PTPRM: variants seen among roughly 807,000 people sequenced by gnomAD.
PTPRM encodes receptor-type tyrosine-protein phosphatase mu.
Under a neutral mutation model 186.7 loss-of-function variants are expected in PTPRM, and 47 were observed. The observed-to-expected ratio is 0.25, with a 90% confidence interval of 0.20 to 0.32. The LOEUF is 0.32. Ranked by LOEUF, PTPRM falls within the 10% of genes least tolerant of loss-of-function variation. The pLI, the probability that PTPRM is intolerant of heterozygous loss-of-function variation, is 1.00. For missense variants in PTPRM, 1,494 were observed against 1,865.0 expected, an observed-to-expected ratio of 0.80 and a Z score of 3.66; for synonymous variants, 668 against 674.9, an observed-to-expected ratio of 0.99 and a Z score of 0.16.
intron 14 of PTPRM, among the ~76,000 whole-genome samples, chr18:8,146,399 G>A (rs2092886975): frequency 6.6e-6 from 1 of 151,964 alleles, no homozygotes; most frequent in Non-Finnish European, 1.5e-5. Context: ...TTTCTCTAAC[G>A]ACCGGTGATG....
rs775081788 is a variant in PTPRM at position 8,253,212 on chromosome 18, G to A, written c.2567-15G>A. The A allele has an allele frequency of 2.9e-6, 4 of 1,397,950 alleles. No homozygotes were observed. The highest frequency in any genetic ancestry group is 2.8e-5 in the East Asian group (1 of 35,164). The allele number at this position is 1,397,950 out of a possible 1,614,324, so 86.6% of individuals were successfully genotyped here. A position where few individuals can be genotyped will look rare whatever the true frequency, so the allele number is the denominator to read the frequency against. The stretch of plus-strand genomic sequence containing the variant: ...CTGGCTCTCCCTCATTTTCTCCCTG[G>A]CCTTCTTTTCCTAGATGAAACCCAC... On this transcript the variant is annotated splice_polypyrimidine_tract_variant and intron_variant, in intron 18 of 32. Coordinates refer to ENST00000580170, the MANE Select transcript of PTPRM (RefSeq NM_001105244.2).
intron 14 of PTPRM, among the ~76,000 whole-genome samples, chr18:8,191,942 C>T (rs1415730790): frequency 6.6e-6 from 1 of 152,056 alleles, no homozygotes; most frequent in Admixed American, 6.6e-5. Context: ...AACTTCTGAA[C>T]ACATATCATT....
In PTPRM at chr18:8,029,864, C is replaced by T. The variant is rs528192963; in HGVS notation, c.1133-39822C>T. 2.6e-5 allele frequency among the ~76,000 whole-genome samples: 4 copies of T among 152,300 alleles called. No individual in the cohort carries two copies. In the East Asian group the frequency reaches 5.8e-4, roughly 22 times the overall value. ...ACAGGATGAGATTGAAACTTTCCTGCCCCCTGTGTGATCTGACCATCCGTG... is the reference window on the plus strand; with the variant it reads ...ACAGGATGAGATTGAAACTTTCCTGTCCCCTGTGTGATCTGACCATCCGTG... On this transcript the variant is annotated intron_variant, in intron 7 of 32. Transcript: ENST00000580170.
intron 2 of PTPRM, among the ~76,000 whole-genome samples, chr18:7,842,930 G>GTGTGTGTGTGTGTGTATATATA (rs377182615): frequency 2.0e-5 from 2 of 100,942 alleles, no homozygotes; most frequent in Admixed American, 1.1e-4. Context: ...GTGTGTGTGT[G>GTGTGTGTGTGTGTGTATATATA]TATATATATA....
intron 9 of PTPRM, among the ~76,000 whole-genome samples, chr18:8,085,180 G>A (rs1200924329): frequency 6.6e-6 from 1 of 151,922 alleles, no homozygotes; most frequent in Non-Finnish European, 1.5e-5. Context: ...ACTGGAATCT[G>A]TCTAGGATTC....
intron 2 of PTPRM, among the ~76,000 whole-genome samples, chr18:7,835,532 G>A (rs1462183901): frequency 6.6e-6 from 1 of 152,044 alleles, no homozygotes; most frequent in South Asian, 2.1e-4. Context: ...CATGTGCTGA[G>A]GAAAAGAATG....
At chr18:7,782,708 C>T (rs966853168) in intron 2 of PTPRM, among the ~76,000 whole-genome samples, 3 of 152,158 alleles carry the variant, frequency 2.0e-5, no homozygotes, top group African/African-American at 7.2e-5. Flanking sequence ...TTGTGTCTGG[C>T]TTATTTCATG....
intron 7 of PTPRM, among the ~76,000 whole-genome samples, chr18:7,972,646 T>C (rs936351547): frequency 2.0e-5 from 3 of 152,144 alleles, no homozygotes; most frequent in African/African-American, 7.2e-5. Context: ...TCAGCTATAA[T>C]GCTCCTAATT....
At chr18:8,269,907 G>A (rs767031046) in intron 19 of PTPRM, 2 of 151,938 alleles carry the variant, frequency 1.3e-5, no homozygotes, top group Admixed American at 6.6e-5. Context: ...ACTTAAACAT[G>A]AGACCCGAGA....
At chr18:8,005,587 T>C (rs1180882150) in intron 7 of PTPRM, among the ~76,000 whole-genome samples, 1 of 152,172 alleles carries the variant, frequency 6.6e-6, no homozygotes, top group Non-Finnish European at 1.5e-5. Flanking sequence ...AGCGAGTGAA[T>C]AGCAGGGCCC....
In PTPRM at chr18:8,088,561, C is replaced by G. The variant is rs148899377; in HGVS notation, c.1754-188C>G. ...TCAAGATCACAGAGGACAGTATGGG[C>G]TGCTTTTAGCAGCTGTCCCTGTGAT... On this transcript the variant is annotated intron_variant, in intron 10 of 32. Coordinates refer to ENST00000580170, the MANE Select transcript of PTPRM (RefSeq NM_001105244.2). Among the ~76,000 whole-genome samples, 160 of 152,306 alleles carry G rather than the reference C, an allele frequency of 1.1e-3. 1 individual carries two copies. The Middle Eastern group carries it at 0.037, about 36-fold the overall frequency.
At chr18:8,381,604 C>T (rs1372141289) in intron 29 of PTPRM, among the ~76,000 whole-genome samples, 1 of 152,142 alleles carries the variant, frequency 6.6e-6, no homozygotes, top group African/African-American at 2.4e-5. Flanking sequence ...GTCCTTTTGG[C>T]TTAAGAAGCT....
chr18:7,607,250 A>G (rs1370514017), intron 1 of PTPRM, among the ~76,000 whole-genome samples: 1 of 152,138 alleles, frequency 6.6e-6, no homozygotes, highest in South Asian at 2.1e-4. Flanking sequence ...AGCTGCGAGG[A>G]ATAGAGATAG....
In PTPRM at chr18:8,173,777, G is replaced by A. The variant is rs143538371; in HGVS notation, c.2300+29998G>A. Among the ~76,000 whole-genome samples the A allele has an allele frequency of 6.6e-5, 10 of 152,248 alleles. No individual in the cohort carries two copies. In the East Asian group the frequency reaches 1.9e-3, roughly 29 times the overall value. On this transcript the variant is annotated intron_variant, in intron 14 of 32. Transcript: ENST00000580170. ...AAAACTTCAAAAGACATCTCAAAAG[G>A]CCAATCTTAGGATGGATGTGGTGGC...
chr18:7,795,866 A>G lies in PTPRM; in HGVS notation c.196+21595A>G, dbSNP rs1055696053. Among the ~76,000 whole-genome samples, 7 of 144,876 alleles carry G rather than the reference A, an allele frequency of 4.8e-5. No homozygotes were observed. The Admixed American group carries it at 4.9e-4, about 10-fold the overall frequency. On this transcript the variant is annotated intron_variant, in intron 2 of 32. Transcript: ENST00000580170. ...GTCTTGTTCTGTCACCCAGGCTGAA[A>G]TTCAGTGGCAAGATTATAGCTCACT...
At chr18:7,577,139 A>G (rs1306392331) in intron 1 of PTPRM, among the ~76,000 whole-genome samples, 1 of 152,204 alleles carries the variant, frequency 6.6e-6, no homozygotes, top group African/African-American at 2.4e-5. Context: ...AACCTTAACA[A>G]TAGAACCAGG....
At chr18:8,171,173 C>T (rs2093395382) in intron 14 of PTPRM, among the ~76,000 whole-genome samples, 1 of 152,132 alleles carries the variant, frequency 6.6e-6, no homozygotes, top group African/African-American at 2.4e-5. Flanking sequence ...CCTAAATAAC[C>T]TTTTCCTGCT....
chr18:8,118,482 C>T (rs1040615240), intron 13 of PTPRM, among the ~76,000 whole-genome samples: 4 of 152,106 alleles, frequency 2.6e-5, no homozygotes, highest in East Asian at 1.9e-4. Context: ...CTTCCCAGCA[C>T]GAATTTTTAA....
At chr18:8,183,878 T>C (rs1260695742) in intron 14 of PTPRM, among the ~76,000 whole-genome samples, 4 of 152,196 alleles carry the variant, frequency 2.6e-5, no homozygotes, top group South Asian at 2.1e-4. Context: ...CCAGGCTGTC[T>C]CCAGCTCAGG....
Sources: allele counts gnomAD v4.1 joint callset (sites outside exome capture counted in the v4.1 genomes callset), GRCh38; gene constraint gnomAD v4.1.1; transcripts MANE v1.5; gene names NCBI Gene and HGNC (gene_info 2026-07-23, HGNC 2026-07-21).